Variants in TIAM1 observed in about 807,000 individuals in gnomAD.
TIAM1 encodes the protein TIAM Rac1 associated GEF 1.
In TIAM1, 65 loss-of-function variants were observed where a neutral mutation model predicts 163.5. The ratio of observed to expected loss-of-function variants is 0.40; its 90% CI spans 0.33 to 0.49. The LOEUF (loss-of-function observed/expected upper bound fraction) is 0.49, where lower values mean the gene tolerates loss of function less well. Among genes scored for constraint, TIAM1 ranks in the 20% least tolerant of loss-of-function variants. The pLI, the probability that TIAM1 is intolerant of heterozygous loss-of-function variation, is 0.77. For missense variants in TIAM1, 1,789 were observed against 2,044.7 expected, an observed-to-expected ratio of 0.87 and a Z score of 2.41; for synonymous variants, 833 against 810.1, an observed-to-expected ratio of 1.03 and a Z score of -0.48.
At chr21:31,178,039 G>A (rs1042416410) in intron 15 of TIAM1, among the ~76,000 whole-genome samples, 9 of 152,240 alleles carry the variant, frequency 5.9e-5, no homozygotes, top group African/African-American at 1.2e-4. Flanking sequence ...CATCCTGCCC[G>A]TTGTACAAAA....
In TIAM1 at chr21:31,182,503, C is replaced by T; in HGVS notation, c.2805G>A (p.Glu935=). ...CTCGGTGGGGCGGGCTTTCCAGCAG[C>T]TCCACTCCTTCCTCCAGCTCGGGGT... The part of the protein sequence containing the change: ...RTYPELEEGV[E]LLESPPHRVD... Residue 935 remains glutamate (E), a synonymous_variant, in exon 15 of 28, where the codon GAG becomes GAA. Coordinates refer to ENST00000541036, the MANE Select transcript of TIAM1 (RefSeq NM_001353694.2). The T allele has an allele frequency of 6.2e-7, 1 of 1,613,206 alleles. No individual in the cohort carries two copies. The highest frequency in any genetic ancestry group is 8.5e-7 in the Non-Finnish European group (1 of 1,179,674).
At chr21:31,472,797 T>A (rs1602365077) in intron 1 of TIAM1, among the ~76,000 whole-genome samples, 2 of 152,354 alleles carry the variant, frequency 1.3e-5, no homozygotes, top group Admixed American at 1.3e-4. Flanking sequence ...AATAACAGCA[T>A]CTAGCTAACA....
intron 2 of TIAM1, among the ~76,000 whole-genome samples, chr21:31,375,968 A>G (rs941176396): frequency 6.6e-6 from 1 of 152,180 alleles, no homozygotes; most frequent in African/African-American, 2.4e-5. Flanking sequence ...CAGAGGTTGC[A>G]GTGAGCTGAG....
chr21:31,392,693 G>C (rs945850145), intron 2 of TIAM1, among the ~76,000 whole-genome samples: 1 of 151,944 alleles, frequency 6.6e-6, no homozygotes, highest in Non-Finnish European at 1.5e-5. Flanking sequence ...GGGCCAGGTA[G>C]GAGGTGTTCT....
chr21:31,380,517 T>A (rs2076760559), intron 2 of TIAM1, among the ~76,000 whole-genome samples: 1 of 152,290 alleles, frequency 6.6e-6, no homozygotes, highest in African/African-American at 2.4e-5. Flanking sequence ...CACTCCAGCC[T>A]GGGCAACAAG....
intron 2 of TIAM1, among the ~76,000 whole-genome samples, chr21:31,320,769 G>A (rs1002286700): frequency 9.2e-5 from 14 of 152,168 alleles, no homozygotes; most frequent in Non-Finnish European, 1.3e-4. Context: ...CGAAGCAGGC[G>A]GATCACTTGA....
At chr21:31,351,405 G>A (rs1357979189) in intron 2 of TIAM1, among the ~76,000 whole-genome samples, 1 of 152,146 alleles carries the variant, frequency 6.6e-6, no homozygotes, top group Non-Finnish European at 1.5e-5. Flanking sequence ...TGCAGTGTAT[G>A]CACATATAAT....
At position 31,165,022 on chromosome 21, in the gene TIAM1, AGCG is replaced by A. The variant is rs754449674; in HGVS notation, c.2928_2930del (p.Ala977del). On this transcript the variant is annotated inframe_deletion, in exon 16 of 28. Coordinates refer to ENST00000541036, the MANE Select transcript of TIAM1 (RefSeq NM_001353694.2). ...AGTCTGGCCCCTCGGTCTCCTCTGG[AGCG>A]GTCTCAGCACTGCTGCCCTGCTCGC... is the stretch of plus-strand genomic sequence containing the variant. The A allele has an allele frequency of 6.2e-7, 1 of 1,614,144 alleles. No individual in the cohort carries two copies. Among genetic ancestry groups the A allele is most frequent in the South Asian group, 1.1e-5 (1 of 91,088 alleles).
In TIAM1 at chr21:31,291,336, A is replaced by G. The variant is rs529889685; in HGVS notation, c.-188-14428T>C. 8.4e-4 allele frequency among the ~76,000 whole-genome samples: 128 copies of G among 152,262 alleles called. 3 individuals are homozygous for G. In the South Asian group the frequency reaches 0.026, roughly 31 times the overall value. ...AGATAGAAACAACAACAACAACAAA[A>G]AAGCTTAATCTTCCAGAAACCTGTC... On this transcript the variant is annotated intron_variant, in intron 2 of 27. Coordinates refer to ENST00000541036, the MANE Select transcript of TIAM1 (RefSeq NM_001353694.2).
At chr21:31,475,246 G>C (rs1468494514) in intron 1 of TIAM1, among the ~76,000 whole-genome samples, 2 of 151,380 alleles carry the variant, frequency 1.3e-5, no homozygotes, top group Non-Finnish European at 1.5e-5. Context: ...TAGAGACAGG[G>C]TTTCTCCATG....
At chr21:31,363,403 C>A (rs556233288) in intron 2 of TIAM1, among the ~76,000 whole-genome samples, 1 of 151,926 alleles carries the variant, frequency 6.6e-6, no homozygotes, top group Non-Finnish European at 1.5e-5. Flanking sequence ...CTAACAGGAC[C>A]GGGATTTTGT....
chr21:31,134,281 A>G (rs2082531718), intron 23 of TIAM1, among the ~76,000 whole-genome samples: 1 of 152,118 alleles, frequency 6.6e-6, no homozygotes, highest in Non-Finnish European at 1.5e-5. Context: ...TTACATCAAT[A>G]TCCTGCATCC....
intron 2 of TIAM1, among the ~76,000 whole-genome samples, chr21:31,322,862 G>T (rs1415555836): frequency 6.6e-6 from 1 of 152,210 alleles, no homozygotes; most frequent in Admixed American, 6.5e-5. Flanking sequence ...ACTTCAGCCA[G>T]GCGGGGCCCA....
chr21:31,554,985 A>T (rs1389326287), intron 1 of TIAM1, among the ~76,000 whole-genome samples: 1 of 152,060 alleles, frequency 6.6e-6, no homozygotes, highest in Non-Finnish European at 1.5e-5. Context: ...GGTGTGGAGG[A>T]CGGTGCCAGA....
chr21:31,494,367 C>T (rs946904130), intron 1 of TIAM1, among the ~76,000 whole-genome samples: 4 of 152,190 alleles, frequency 2.6e-5, no homozygotes, highest in Admixed American at 1.3e-4. Context: ...CAAACCCTCC[C>T]TTTTCCTATT....
rs544499009 is a variant in TIAM1 at position 31,175,540 on chromosome 21, A to G, written c.2887+6881T>C. On this transcript the variant is annotated intron_variant, in intron 15 of 27. Transcript: ENST00000541036. Reference sequence around the variant, plus strand: ...TTTTCTTGGCTTTCTTCTTGATGTAAAAAGGAAAAACAAGGCCATAAATGG... The same window carrying G: ...TTTTCTTGGCTTTCTTCTTGATGTAGAAAGGAAAAACAAGGCCATAAATGG... 4.6e-5 allele frequency among the ~76,000 whole-genome samples: 7 copies of G among 152,322 alleles called. No homozygotes were observed. In the South Asian group the frequency reaches 1.2e-3, roughly 27 times the overall value.
intron 5 of TIAM1, 134 bp downstream of exon 5, chr21:31,251,608 T>A: frequency 2.2e-6 from 2 of 920,580 alleles, no homozygotes; most frequent in Non-Finnish European, 3.3e-6. Flanking sequence ...CTATGATAAA[T>A]GTTTTAAATT....
intron 2 of TIAM1, among the ~76,000 whole-genome samples, chr21:31,439,245 C>T (rs1402546414): frequency 2.6e-5 from 4 of 152,152 alleles, no homozygotes; most frequent in Admixed American, 1.3e-4. Flanking sequence ...TCCTTGAACC[C>T]ACAGAAGAAT....
At chr21:31,230,781 G>A (rs1435527155) in intron 6 of TIAM1, among the ~76,000 whole-genome samples, 13 of 152,126 alleles carry the variant, frequency 8.5e-5, no homozygotes, top group Non-Finnish European at 4.4e-5. Flanking sequence ...TGATCCGCCA[G>A]CCTCAGCCTC....
Sources: gnomAD v4.1 joint callset for allele counts (sites outside exome capture counted in the v4.1 genomes callset) on GRCh38, gnomAD v4.1.1 for gene constraint, MANE v1.5 for transcripts, NCBI Gene and HGNC (gene_info 2026-07-23, HGNC 2026-07-21) for gene names.